ADAMTS19: variants seen among roughly 807,000 people sequenced by gnomAD.
ADAMTS19 encodes ADAM metallopeptidase with thrombospondin type 1 motif 19.
In ADAMTS19, 93 loss-of-function variants were observed where a neutral mutation model predicts 153.3. The observed-to-expected ratio is 0.61, with a 90% CI of 0.51 to 0.72. The LOEUF is 0.72. Among genes scored for constraint, ADAMTS19 ranks in the 30% least tolerant of loss-of-function variants. The probability of loss-of-function intolerance (pLI) is 0.00; values close to 1 mark genes in which losing one functional copy is unlikely to be tolerated. For synonymous variants in ADAMTS19, 600 were observed against 556.6 expected, an observed-to-expected ratio of 1.08 and a Z score of -1.10; for missense variants, 1,482 against 1,552.1, an observed-to-expected ratio of 0.95 and a Z score of 0.76.
chr5:129,545,197 G>C (rs1752812933), intron 6 of ADAMTS19, among the ~76,000 whole-genome samples: 1 of 152,022 alleles, frequency 6.6e-6, no homozygotes, highest in Non-Finnish European at 1.5e-5. Flanking sequence ...GATGTTTTGG[G>C]GGAAAACAGT....
At chr5:129,495,259 A>C (rs1326513658) in intron 2 of ADAMTS19, among the ~76,000 whole-genome samples, 2 of 152,062 alleles carry the variant, frequency 1.3e-5, no homozygotes, top group Admixed American at 1.3e-4. Flanking sequence ...GCATGCTTAT[A>C]GTCTCTTATT....
intron 21 of ADAMTS19, among the ~76,000 whole-genome samples, chr5:129,720,720 A>G (rs868055022): frequency 1.2e-4 from 18 of 152,318 alleles, no homozygotes; most frequent in Middle Eastern, 3.4e-3. Flanking sequence ...TCAGAGGTCA[A>G]TGGAAAGAAT....
At chr5:129,538,705 T>C (rs1370338230) in intron 6 of ADAMTS19, among the ~76,000 whole-genome samples, 1 of 152,116 alleles carries the variant, frequency 6.6e-6, no homozygotes, top group Non-Finnish European at 1.5e-5. Context: ...GTTGTTGAAG[T>C]CATCTTACAT....
At chr5:129,711,642 C>A (rs1286686143) in intron 21 of ADAMTS19, among the ~76,000 whole-genome samples, 1 of 151,920 alleles carries the variant, frequency 6.6e-6, no homozygotes, top group Non-Finnish European at 1.5e-5. Context: ...CACCACTGCA[C>A]TCCAGCCTGG....
intron 10 of ADAMTS19, among the ~76,000 whole-genome samples, chr5:129,640,616 CTCT>C (rs1277467978): frequency 6.6e-6 from 1 of 152,012 alleles, no homozygotes; most frequent in African/African-American, 2.4e-5. Flanking sequence ...TCTTTCCTGG[CTCT>C]TCTGTCTTTT....
At chr5:129,504,580 C>A (rs962175908) in intron 2 of ADAMTS19, among the ~76,000 whole-genome samples, 2 of 152,060 alleles carry the variant, frequency 1.3e-5, no homozygotes, top group African/African-American at 2.4e-5. Flanking sequence ...ATTACAGTCA[C>A]CATGTCGTGC....
intron 7 of ADAMTS19, among the ~76,000 whole-genome samples, chr5:129,578,633 C>T (rs1749329881): frequency 6.6e-6 from 1 of 151,918 alleles, no homozygotes; most frequent in Admixed American, 6.6e-5. Context: ...GTAATGTTCC[C>T]CTCCCTGTGT....
At chr5:129,693,032 C>T (rs1755403810) in intron 18 of ADAMTS19, among the ~76,000 whole-genome samples, 1 of 152,078 alleles carries the variant, frequency 6.6e-6, no homozygotes, top group Admixed American at 6.6e-5. Flanking sequence ...ACTAAAGGTC[C>T]AAATGGTTTT....
At chr5:129,479,613 G>A (rs1750343563) in intron 2 of ADAMTS19, among the ~76,000 whole-genome samples, 1 of 152,144 alleles carries the variant, frequency 6.6e-6, no homozygotes, top group African/African-American at 2.4e-5. Context: ...TAGCAAGATG[G>A]CGGGATACAA....
At chr5:129,658,313 G>GAAAGAAAGAAAGAAAGAAAGAAAGAA (rs1753643321) in intron 14 of ADAMTS19, among the ~76,000 whole-genome samples, 2 of 23,568 alleles carry the variant, frequency 8.5e-5, no homozygotes, top group Non-Finnish European at 2.3e-4. Flanking sequence ...GAAAGAAAAA[G>GAAAGAAAGAAAGAAAGAAAGAAAGAA]AAAGAAAGAA....
At chr5:129,736,323 G>A (rs1051580590) in intron 22 of ADAMTS19, among the ~76,000 whole-genome samples, 3 of 151,984 alleles carry the variant, frequency 2.0e-5, no homozygotes, top group Non-Finnish European at 4.4e-5. Flanking sequence ...CAATGGTTAG[G>A]AAAATCTAAG....
chr5:129,534,061 T>C (rs944862900), intron 6 of ADAMTS19, among the ~76,000 whole-genome samples: 1 of 152,162 alleles, frequency 6.6e-6, no homozygotes, highest in Admixed American at 6.6e-5. Flanking sequence ...CTGAAAAGAA[T>C]GTATATTCTG....
intron 7 of ADAMTS19, among the ~76,000 whole-genome samples, chr5:129,575,207 A>G (rs1006686270): frequency 1.3e-5 from 2 of 152,052 alleles, no homozygotes; most frequent in Non-Finnish European, 2.9e-5. Context: ...ATTGTGTCCA[A>G]CTGTTTGGAA....
At chr5:129,593,700 G>A (rs985539200) in intron 7 of ADAMTS19, among the ~76,000 whole-genome samples, 1 of 152,064 alleles carries the variant, frequency 6.6e-6, no homozygotes, top group Non-Finnish European at 1.5e-5. Flanking sequence ...TCTGCAAAAC[G>A]TCAACCTAAA....
intron 10 of ADAMTS19, among the ~76,000 whole-genome samples, chr5:129,628,883 C>T (rs2126995759): frequency 6.6e-6 from 1 of 152,168 alleles, no homozygotes; most frequent in South Asian, 2.1e-4. Flanking sequence ...TACGCTATAT[C>T]ATTTAGGCTT....
chr5:129,460,372 C>T lies in ADAMTS19; in HGVS notation c.-20C>T, dbSNP rs775007070. 39 of 1,609,140 alleles carry T rather than the reference C, an allele frequency of 2.4e-5. No homozygotes were observed. The South Asian group carries it at 4.1e-4, about 17-fold the overall frequency. ...TGGAGGCGTGCGCCGGGCGAGAAGC[C>T]GCGGCCGCGGGAGCGCAGTATGGGG... On this transcript the variant is annotated 5_prime_UTR_variant, in exon 1 of 23. Transcript: ENST00000274487.
chr5:129,553,144 C>A (rs975031140), intron 7 of ADAMTS19, among the ~76,000 whole-genome samples: 11 of 152,064 alleles, frequency 7.2e-5, no homozygotes, highest in African/African-American at 2.4e-4. Flanking sequence ...AAATAATAAC[C>A]TTTTCTTTCA....
At chr5:129,468,815 C>T (rs926808807) in intron 2 of ADAMTS19, among the ~76,000 whole-genome samples, 22 of 151,926 alleles carry the variant, frequency 1.4e-4, no homozygotes, top group African/African-American at 4.8e-4. Context: ...CTTGTTCTGT[C>T]GGCCAGGCCA....
chr5:129,650,949 C>T (rs1349524927), intron 13 of ADAMTS19, among the ~76,000 whole-genome samples: 4 of 152,210 alleles, frequency 2.6e-5, no homozygotes, highest in Non-Finnish European at 5.9e-5. Flanking sequence ...GAAACAAAAC[C>T]TAATAAATAG....
Sources: gnomAD v4.1 joint callset for allele counts (sites outside exome capture counted in the v4.1 genomes callset) on GRCh38, gnomAD v4.1.1 for gene constraint, MANE v1.5 for transcripts, NCBI Gene and HGNC (gene_info 2026-07-23, HGNC 2026-07-21) for gene names.